The following LIMCH1 variants were observed in gnomAD, a reference collection of about 807,000 sequenced individuals.
LIMCH1 encodes LIM and calponin homology domains 1.
LIMCH1 carries 113 observed loss-of-function variants against 176.5 expected under a neutral mutation model. That is an observed-to-expected ratio of 0.64 (90% confidence interval 0.55 to 0.75). The LOEUF (loss-of-function observed/expected upper bound fraction) is 0.75, where lower values mean the gene tolerates loss of function less well. Ranked by LOEUF, LIMCH1 falls within the 30% of genes least tolerant of loss-of-function variation. The pLI, the probability that LIMCH1 is intolerant of heterozygous loss-of-function variation, is 0.00. For synonymous variants in LIMCH1, 619 were observed against 645.9 expected (o/e 0.96, Z 0.63); for missense variants, 1,674 against 1,814.9 (o/e 0.92, Z 1.41).
chr4:41,429,519 T>G (rs938378767), intron 1 of LIMCH1, among the ~76,000 whole-genome samples: 2 of 152,220 alleles, frequency 1.3e-5, no homozygotes, highest in African/African-American at 4.8e-5. Context: ...AATATTCAAC[T>G]TGGTTTATAT....
chr4:41,654,915 A>G (rs1464880105), intron 18 of LIMCH1, among the ~76,000 whole-genome samples: 1 of 152,178 alleles, frequency 6.6e-6, no homozygotes, highest in African/African-American at 2.4e-5. Context: ...GCCCAGTGGA[A>G]ACCTCACACT....
chr4:41,406,126 A>G (rs773773927), intron 1 of LIMCH1, among the ~76,000 whole-genome samples: 84 of 152,348 alleles, frequency 5.5e-4, no homozygotes, highest in Non-Finnish European at 9.4e-4. Flanking sequence ...TAACTTTTGT[A>G]TCTTCCTTTC....
intron 2 of LIMCH1, among the ~76,000 whole-genome samples, chr4:41,507,075 G>A (rs754782597): frequency 6.6e-6 from 1 of 152,154 alleles, no homozygotes; most frequent in South Asian, 2.1e-4. Flanking sequence ...GGGTACATCC[G>A]TGTATTTATG....
intron 18 of LIMCH1, among the ~76,000 whole-genome samples, chr4:41,656,812 G>T (rs1328359717): frequency 6.6e-6 from 1 of 152,160 alleles, no homozygotes; most frequent in Non-Finnish European, 1.5e-5. Flanking sequence ...GACATCACTT[G>T]TTCCAACCCA....
At chr4:41,542,953 C>T (rs866748946) in intron 1 of LIMCH1, among the ~76,000 whole-genome samples, 6 of 152,212 alleles carry the variant, frequency 3.9e-5, no homozygotes, top group Admixed American at 6.5e-5. Context: ...AACTGATTAT[C>T]TTATATAATG....
At chr4:41,365,128 A>G (rs1194434420) in intron 1 of LIMCH1, among the ~76,000 whole-genome samples, 1 of 152,248 alleles carries the variant, frequency 6.6e-6, no homozygotes, top group Non-Finnish European at 1.5e-5. Context: ...GAGGGACTGG[A>G]AATTTCAACC....
intron 1 of LIMCH1, among the ~76,000 whole-genome samples, chr4:41,449,257 C>T (rs1279512353): frequency 6.6e-6 from 1 of 152,082 alleles, no homozygotes; most frequent in African/African-American, 2.4e-5. Flanking sequence ...CGATGACACC[C>T]CACTATCTTG....
chr4:41,450,112 A>C (rs2063706595), intron 1 of LIMCH1, among the ~76,000 whole-genome samples: 1 of 152,224 alleles, frequency 6.6e-6, no homozygotes, highest in South Asian at 2.1e-4. Flanking sequence ...TTACGACTTC[A>C]TATGAGTTTG....
intron 1 of LIMCH1, among the ~76,000 whole-genome samples, chr4:41,588,911 T>C (rs2086968052): frequency 6.6e-6 from 1 of 152,182 alleles, no homozygotes. Context: ...TCCCTCCATA[T>C]AGACAGACGG....
In LIMCH1 at chr4:41,656,545, T is replaced by G. The variant is rs531456074; in HGVS notation, c.3037-4875T>G. The stretch of plus-strand genomic sequence containing the variant: ...TCATTTTTTTTTAATTTGAAAAGTT[T>G]AGTACAAAAAAAAGTTTAAGACATG... On this transcript the variant is annotated intron_variant, in intron 18 of 31. Transcript: ENST00000503057. 8.5e-5 allele frequency among the ~76,000 whole-genome samples: 13 copies of G among 152,188 alleles called. No individual in the cohort carries two copies. In the South Asian group the frequency reaches 2.7e-3, roughly 32 times the overall value.
intron 21 of LIMCH1, among the ~76,000 whole-genome samples, chr4:41,668,606 TA>T (rs929760697): frequency 6.6e-6 from 1 of 152,226 alleles, no homozygotes; most frequent in Non-Finnish European, 1.5e-5. Context: ...GTCGAATGAC[TA>T]AAAAATAAAA....
intron 1 of LIMCH1, among the ~76,000 whole-genome samples, chr4:41,559,575 G>T (rs1229319469): frequency 6.6e-6 from 1 of 152,030 alleles, no homozygotes; most frequent in African/African-American, 2.4e-5. Flanking sequence ...TGCAAAAATA[G>T]TCTCCATTTA....
chr4:41,682,109 G>A (rs1716494680), intron 25 of LIMCH1, among the ~76,000 whole-genome samples: 1 of 152,140 alleles, frequency 6.6e-6, no homozygotes, highest in Non-Finnish European at 1.5e-5. Flanking sequence ...TGAAAGAGGG[G>A]TTTTCTAATC....
At chr4:41,597,411 A>G (rs573682947) in intron 1 of LIMCH1, among the ~76,000 whole-genome samples, 2 of 152,282 alleles carry the variant, frequency 1.3e-5, no homozygotes, top group Non-Finnish European at 2.9e-5. Context: ...ACTTATTGCT[A>G]TTGTTCTTGT....
At chr4:41,517,211 T>C (rs1194339281) in intron 2 of LIMCH1, among the ~76,000 whole-genome samples, 1 of 152,138 alleles carries the variant, frequency 6.6e-6, no homozygotes, top group Non-Finnish European at 1.5e-5. Context: ...GAGAATTGTT[T>C]GAGAGGGTTT....
At chr4:41,575,567 T>A (rs2084325088) in intron 1 of LIMCH1, among the ~76,000 whole-genome samples, 1 of 152,236 alleles carries the variant, frequency 6.6e-6, no homozygotes, top group Admixed American at 6.5e-5. Context: ...CAAATTTATA[T>A]GATTGTATAT....
intron 1 of LIMCH1, among the ~76,000 whole-genome samples, chr4:41,583,806 C>T (rs1250982757): frequency 6.0e-5 from 9 of 149,226 alleles, no homozygotes; most frequent in Admixed American, 6.7e-5. Flanking sequence ...GCTTTGAATT[C>T]GTACCCTACA....
chr4:41,554,690 A>G (rs1215438422), intron 1 of LIMCH1, among the ~76,000 whole-genome samples: 3 of 152,080 alleles, frequency 2.0e-5, no homozygotes, highest in African/African-American at 7.2e-5. Flanking sequence ...TTGTCCATAT[A>G]TACTGCTGCC....
chr4:41,618,663 C>T (rs987815236), intron 5 of LIMCH1, among the ~76,000 whole-genome samples: 6 of 152,158 alleles, frequency 3.9e-5, no homozygotes, highest in East Asian at 1.9e-4. Flanking sequence ...TGGTATAATC[C>T]GAATTGATCA....
Sources: allele counts gnomAD v4.1 joint callset (sites outside exome capture counted in the v4.1 genomes callset), GRCh38; gene constraint gnomAD v4.1.1; transcripts MANE v1.5; gene names NCBI Gene and HGNC (gene_info 2026-07-23, HGNC 2026-07-21).